Variants in COL28A1 observed in about 807,000 individuals in gnomAD.
The protein encoded by COL28A1 is collagen alpha-1(XXVIII) chain.
Under a neutral mutation model 150.2 loss-of-function variants are expected in COL28A1, and 161 were observed. The observed-to-expected ratio is 1.07, with a 90% CI of 0.94 to 1.22. The LOEUF (loss-of-function observed/expected upper bound fraction) is 1.22. Ranked by LOEUF, COL28A1 falls within the 50% of genes most tolerant of loss-of-function variation. The pLI is 0.00. For missense variants in COL28A1, 1,617 were observed against 1,388.3 expected (o/e 1.16, Z -2.62); for synonymous variants, 552 against 469.7 (o/e 1.18, Z -2.26).
chr7:7,539,554 C>A (rs887316493), upstream of COL28A1, among the ~76,000 whole-genome samples: 4 of 152,054 alleles, frequency 2.6e-5, no homozygotes, highest in Admixed American at 1.3e-4. Context: ...CAAACCATGG[C>A]AAACACCAAA....
At chr7:7,412,434 G>A (rs1451022846) in intron 27 of COL28A1, among the ~76,000 whole-genome samples, 5 of 152,082 alleles carry the variant, frequency 3.3e-5, no homozygotes, top group African/African-American at 7.3e-5. Flanking sequence ...ACTAACTAAT[G>A]TAACCAATAT....
At chr7:7,385,241 T>G (rs527265231) in intron 27 of COL28A1, among the ~76,000 whole-genome samples, 7 of 152,240 alleles carry the variant, frequency 4.6e-5, no homozygotes, top group Non-Finnish European at 4.4e-5. Context: ...GAGGACATTT[T>G]CATTCAATGA....
At position 7,374,036 on chromosome 7, in the gene COL28A1, A is replaced by ATATATATATATAT. The variant is rs1281053510; in HGVS notation, c.2360-491_2360-490insATATATATATATA. Among the ~76,000 whole-genome samples the ATATATATATATAT allele has an allele frequency of 5.1e-5, 4 of 77,846 alleles. No individual in the cohort carries two copies. The East Asian group carries it at 1.0e-3, about 20-fold the overall frequency. The allele number at this position is 77,846 out of a possible 152,430, so 51.1% of individuals were successfully genotyped here. A position where few individuals can be genotyped will look rare whatever the true frequency, so the allele number is the denominator to read the frequency against. ...TATACTTGACTCTTAAAAAAAAAAAAAAATATATATATATATATATATATA... is the reference window on the plus strand; with the variant it reads ...TATACTTGACTCTTAAAAAAAAAAAATATATATATATATAAATATATATATATATATATATATA... On this transcript the variant is annotated intron_variant, in intron 31 of 34. Transcript: ENST00000399429.
Position 7,380,853 on chromosome 7 carries a change from C to A in COL28A1, c.2215G>T (p.Gly739Ter). 6.2e-7 allele frequency: 1 copy of A among 1,613,252 alleles called. No individual in the cohort carries two copies. Among genetic ancestry groups the A allele is most frequent in the Non-Finnish European group, 8.5e-7 (1 of 1,179,276 alleles). The change falls in exon 29 of 35, where the codon GGA (glycine) becomes TGA (stop). Residue 739 changes from glycine to a stop codon, truncating the protein, a stop_gained. Coordinates refer to ENST00000399429, the MANE Select transcript of COL28A1 (RefSeq NM_001037763.3). LOFTEE classifies it high-confidence loss of function. ...TTCTTTCCCACATCGCCCCGTTCTC[C>A]GTGCTCTCCCTTTACACAATAGGGT... ...HGLPGQKGEH[G>*]ERGDVGKKGD...
intron 11 of COL28A1, among the ~76,000 whole-genome samples, chr7:7,496,941 G>C (rs1485711024): frequency 6.6e-6 from 1 of 151,130 alleles, no homozygotes; most frequent in Non-Finnish European, 1.5e-5. Context: ...GTATGGCCAG[G>C]ATACATTCTC....
chr7:7,405,078 T>C (rs1474952785), intron 27 of COL28A1, among the ~76,000 whole-genome samples: 1 of 152,116 alleles, frequency 6.6e-6, no homozygotes, highest in African/African-American at 2.4e-5. Context: ...TGAATAAATT[T>C]CTGAAATAAA....
intron 9 of COL28A1, among the ~76,000 whole-genome samples, chr7:7,509,305 T>A (rs1252900226): frequency 6.6e-6 from 1 of 152,140 alleles, no homozygotes; most frequent in African/African-American, 2.4e-5. Context: ...AAATTTTTTG[T>A]AGAGACGGGG....
At chr7:7,541,170 T>C in the COL28A1 span, among the ~76,000 whole-genome samples, 1 of 152,166 alleles carries the variant, frequency 6.6e-6, no homozygotes, top group African/African-American at 2.4e-5. Context: ...GTTAAGGTAA[T>C]AGGGTCATCT....
chr7:7,455,620 A>G (rs1040327503), intron 16 of COL28A1, among the ~76,000 whole-genome samples: 1 of 152,208 alleles, frequency 6.6e-6, no homozygotes, highest in Admixed American at 6.5e-5. Context: ...AAAAATGGAT[A>G]TGTGGCTAGT....
rs181446432 is a variant in COL28A1 at position 7,535,320 on chromosome 7, T to C, written c.-38+430A>G. Among the ~76,000 whole-genome samples, 22 of 152,288 alleles carry C rather than the reference T, an allele frequency of 1.4e-4. No individual in the cohort carries two copies. In the East Asian group the frequency reaches 4.0e-3, roughly 28 times the overall value. On this transcript the variant is annotated intron_variant, in intron 1 of 34. Transcript: ENST00000399429. ...ATTTTTCAAAAATAAAATGATCTTATATCAGAGTTCACCAACTTTAGTTAC... is the reference window on the plus strand; with the variant it reads ...ATTTTTCAAAAATAAAATGATCTTACATCAGAGTTCACCAACTTTAGTTAC...
chr7:7,531,574 C>G lies in COL28A1; in HGVS notation c.455G>C (p.Gly152Ala), dbSNP rs768311971. The G allele has an allele frequency of 6.2e-7, 1 of 1,604,542 alleles. No individual in the cohort carries two copies. The highest frequency in any genetic ancestry group is 8.5e-7 in the Non-Finnish European group (1 of 1,171,466). ...AGTCATCAGCAAAACCACTTTCACA[C>G]CATCCTTACGCCCTTCTCTCTTAAG... ...RLLKREGRKD[G>A]VKVVLLMTDG... The change falls in exon 3 of 35, where the codon GGT becomes GCT. Residue 152 changes from glycine (G) to alanine (A), a missense_variant. Transcript: ENST00000399429.
At chr7:7,542,708 G>C in the COL28A1 span, among the ~76,000 whole-genome samples, 1 of 152,136 alleles carries the variant, frequency 6.6e-6, no homozygotes, top group Non-Finnish European at 1.5e-5. Context: ...TTTTAAGCAG[G>C]GTTGTGACAT....
chr7:7,449,410 C>T (rs572574671), intron 18 of COL28A1, among the ~76,000 whole-genome samples: 1 of 151,840 alleles, frequency 6.6e-6, no homozygotes, highest in East Asian at 1.9e-4. Context: ...CTTCCTTAAC[C>T]TAATGAAGGG....
At chr7:7,342,691 T>C in the COL28A1 span, among the ~76,000 whole-genome samples, 1 of 152,078 alleles carries the variant, frequency 6.6e-6, no homozygotes, top group African/African-American at 2.4e-5. Flanking sequence ...GACCAGAACA[T>C]TAGAATATCT....
chr7:7,353,200 C>A (rs1780270062), downstream of COL28A1, among the ~76,000 whole-genome samples: 2 of 152,210 alleles, frequency 1.3e-5, no homozygotes, highest in African/African-American at 4.8e-5. Flanking sequence ...AGTTCCTAAA[C>A]TGAAGTCTGT....
intron 3 of COL28A1, among the ~76,000 whole-genome samples, chr7:7,528,583 C>G (rs1413159678): frequency 6.6e-6 from 1 of 152,030 alleles, no homozygotes; most frequent in Admixed American, 6.5e-5. Context: ...ACTTCTGATA[C>G]AGAAAAAAAC....
intron 11 of COL28A1, among the ~76,000 whole-genome samples, chr7:7,501,929 T>G (rs895105454): frequency 6.6e-6 from 1 of 152,126 alleles, no homozygotes; most frequent in African/African-American, 2.4e-5. Context: ...AGAGTCTCGC[T>G]CTGTCACCCC....
At chr7:7,521,257 C>A (rs1781708532) in intron 5 of COL28A1, among the ~76,000 whole-genome samples, 1 of 152,188 alleles carries the variant, frequency 6.6e-6, no homozygotes, top group African/African-American at 2.4e-5. Flanking sequence ...ATCTAGATGT[C>A]ATTTCAAATG....
At chr7:7,447,436 A>G (rs1786345284) in intron 18 of COL28A1, among the ~76,000 whole-genome samples, 1 of 151,362 alleles carries the variant, frequency 6.6e-6, no homozygotes, top group Non-Finnish European at 1.5e-5. Flanking sequence ...ATTAATAATA[A>G]TATTTAATTT....
Sources: gnomAD v4.1 joint callset for allele counts (sites outside exome capture counted in the v4.1 genomes callset) on GRCh38, gnomAD v4.1.1 for gene constraint, MANE v1.5 for transcripts, NCBI Gene and HGNC (gene_info 2026-07-23, HGNC 2026-07-21) for gene names.